Variants in ERC2 observed in about 807,000 individuals in gnomAD.
ERC2 encodes the protein ELKS/RAB6-interacting/CAST family member 2.
Under a neutral mutation model 114.8 loss-of-function variants are expected in ERC2, and 42 were observed. The ratio of observed to expected loss-of-function variants is 0.37; its 90% confidence interval spans 0.29 to 0.47. ERC2 has a LOEUF of 0.47. Among genes scored for constraint, ERC2 ranks in the 20% least tolerant of loss-of-function variants. The pLI is 0.99. For missense variants in ERC2, 939 were observed against 1,150.7 expected (o/e 0.82, Z 2.66); for synonymous variants, 454 against 425.5 (o/e 1.07, Z -0.82).
intron 3 of ERC2, among the ~76,000 whole-genome samples, chr3:56,213,765 C>T (rs535526803): frequency 6.6e-6 from 1 of 152,292 alleles, no homozygotes; most frequent in Admixed American, 6.5e-5. Context: ...AGGCACCCCC[C>T]AGTAGGGGCA....
At chr3:56,401,922 T>C (rs2060535320) in intron 2 of ERC2, among the ~76,000 whole-genome samples, 1 of 152,308 alleles carries the variant, frequency 6.6e-6, no homozygotes, top group Admixed American at 6.5e-5. Context: ...CAGTTCCACA[T>C]GGCTGGGAAG....
At chr3:56,265,429 C>G (rs2053227854) in intron 3 of ERC2, among the ~76,000 whole-genome samples, 1 of 152,158 alleles carries the variant, frequency 6.6e-6, no homozygotes, top group Non-Finnish European at 1.5e-5. Context: ...GCACCCTTAA[C>G]TTACACCATA....
intron 3 of ERC2, among the ~76,000 whole-genome samples, chr3:56,222,700 T>G (rs1275321354): frequency 2.0e-5 from 3 of 152,202 alleles, no homozygotes. Flanking sequence ...TCCCCCATAG[T>G]AAATGCTCAA....
chr3:56,308,805 T>A (rs201367594), intron 2 of ERC2, among the ~76,000 whole-genome samples: 4 of 151,204 alleles, frequency 2.6e-5, no homozygotes, highest in Admixed American at 6.6e-5. Flanking sequence ...TTTTTTTTTT[T>A]AATAAATCCA....
chr3:56,090,481 G>A (rs2149783779), intron 6 of ERC2, among the ~76,000 whole-genome samples: 1 of 152,184 alleles, frequency 6.6e-6, no homozygotes, highest in Middle Eastern at 3.4e-3. Context: ...ACGGTTGTAA[G>A]GTTGGAGGTA....
intron 2 of ERC2, among the ~76,000 whole-genome samples, chr3:56,341,052 T>C (rs879477600): frequency 5.3e-5 from 8 of 152,232 alleles, no homozygotes; most frequent in Non-Finnish European, 1.2e-4. Context: ...TCCTCTGTTT[T>C]AAATTTTATC....
At chr3:55,972,299 G>C (rs1027811463) in intron 12 of ERC2, among the ~76,000 whole-genome samples, 2 of 152,202 alleles carry the variant, frequency 1.3e-5, no homozygotes, top group African/African-American at 2.4e-5. Context: ...TGGGATACAT[G>C]TGCAGAACGT....
At chr3:55,925,989 A>G (rs2065725717) in intron 13 of ERC2, among the ~76,000 whole-genome samples, 1 of 152,184 alleles carries the variant, frequency 6.6e-6, no homozygotes, top group South Asian at 2.1e-4. Flanking sequence ...CTTTTAAACA[A>G]TGGAGGGAAT....
At chr3:56,274,692 G>T (rs2150305366) in intron 3 of ERC2, among the ~76,000 whole-genome samples, 1 of 152,228 alleles carries the variant, frequency 6.6e-6, no homozygotes, top group East Asian at 1.9e-4. Context: ...TTAAATAAAT[G>T]TTGCCAAAAA....
At chr3:56,065,097 T>G (rs2076410152) in intron 7 of ERC2, among the ~76,000 whole-genome samples, 2 of 152,238 alleles carry the variant, frequency 1.3e-5, no homozygotes, top group African/African-American at 4.8e-5. Context: ...TTAGGAAATC[T>G]TAGGTATTTT....
chr3:55,959,724 G>A (rs2149464329), intron 12 of ERC2, among the ~76,000 whole-genome samples: 1 of 152,346 alleles, frequency 6.6e-6, no homozygotes, highest in Non-Finnish European at 1.5e-5. Flanking sequence ...AGAGAGCACA[G>A]GGTGGTCATG....
At chr3:56,426,710 T>C (rs1463187717) in intron 2 of ERC2, among the ~76,000 whole-genome samples, 2 of 152,182 alleles carry the variant, frequency 1.3e-5, no homozygotes, top group African/African-American at 4.8e-5. Flanking sequence ...ACATGGAACG[T>C]ACCTAAACCC....
At chr3:55,836,400 A>G (rs139188916) in intron 14 of ERC2, among the ~76,000 whole-genome samples, 25,584 of 152,132 alleles carry the variant, frequency 0.17, 2,424 homozygotes, top group East Asian at 0.22. Context: ...TGGTACCAAA[A>G]CAGAGATATA....
chr3:56,330,997 G>A (rs1461045651), intron 2 of ERC2, among the ~76,000 whole-genome samples: 1 of 152,186 alleles, frequency 6.6e-6, no homozygotes, highest in Non-Finnish European at 1.5e-5. Context: ...TCCAGCAATT[G>A]TGATTCCAAA....
chr3:56,214,706 T>C (rs943876260), intron 3 of ERC2, among the ~76,000 whole-genome samples: 12 of 151,690 alleles, frequency 7.9e-5, no homozygotes, highest in Non-Finnish European at 2.9e-5. Context: ...TTCACCAAAG[T>C]TGAAATGAAG....
At chr3:56,369,384 A>G (rs2059275054) in intron 2 of ERC2, among the ~76,000 whole-genome samples, 1 of 152,344 alleles carries the variant, frequency 6.6e-6, no homozygotes, top group South Asian at 2.1e-4. Context: ...AGTCAATGGC[A>G]TCTCCATTTA....
rs187151897 is a variant in ERC2, at chr3:55,533,255, C to G, written c.*40-21979G>C. On this transcript the variant is annotated intron_variant, in intron 17 of 17. Transcript: ENST00000288221. Reference sequence around the variant, plus strand: ...GCCTCCTGGCAACAGAGGCTGAGTCCAAGAAGGGCTCAGGGTGCTTGGGTG... The same window carrying G: ...GCCTCCTGGCAACAGAGGCTGAGTCGAAGAAGGGCTCAGGGTGCTTGGGTG... 3.3e-5 allele frequency among the ~76,000 whole-genome samples: 5 copies of G among 152,276 alleles called. No individual in the cohort carries two copies. In the East Asian group the frequency reaches 9.7e-4, roughly 29 times the overall value.
At chr3:56,020,566 T>C (rs574835623) in intron 7 of ERC2, among the ~76,000 whole-genome samples, 1 of 152,260 alleles carries the variant, frequency 6.6e-6, no homozygotes, top group South Asian at 2.1e-4. Flanking sequence ...AGTAAGAATA[T>C]GGATGGTTAT....
chr3:55,707,400 A>C (rs1027155642), intron 15 of ERC2, among the ~76,000 whole-genome samples: 1 of 152,258 alleles, frequency 6.6e-6, no homozygotes, highest in East Asian at 1.9e-4. Flanking sequence ...GATCATGCCA[A>C]TGCACTCCAG....
Sources: gnomAD v4.1 joint callset for allele counts (sites outside exome capture counted in the v4.1 genomes callset) on GRCh38, gnomAD v4.1.1 for gene constraint, MANE v1.5 for transcripts, NCBI Gene and HGNC (gene_info 2026-07-23, HGNC 2026-07-21) for gene names.